Variants in UBE2W observed in about 807,000 individuals in gnomAD.
The protein encoded by UBE2W is ubiquitin-conjugating enzyme E2 W.
In UBE2W, 18 loss-of-function variants were observed where a neutral mutation model predicts 27.2. The observed-to-expected ratio is 0.66, with a 90% CI of 0.46 to 0.98. The LOEUF is 0.98. Among genes scored for constraint, UBE2W ranks in the 50% least tolerant of loss-of-function variants. UBE2W has a pLI of 0.00. For synonymous variants in UBE2W, 53 were observed against 57.2 expected, an observed-to-expected ratio of 0.93 and a Z score of 0.33; for missense variants, 90 against 180.2, an observed-to-expected ratio of 0.50 and a Z score of 2.87.
intron 1 of UBE2W, among the ~76,000 whole-genome samples, chr8:73,832,136 A>AATAAATATATATATATATATATATATAT (rs1554582582): frequency 3.4e-5 from 5 of 145,348 alleles, no homozygotes; most frequent in African/African-American, 1.3e-4. Flanking sequence ...AAAATAAATA[A>AATAAATATATATATATATATATATATAT]ATATATATAT....
At chr8:73,828,941 T>A (rs765602366) in intron 2 of UBE2W, among the ~76,000 whole-genome samples, 2 of 152,176 alleles carry the variant, frequency 1.3e-5, no homozygotes, top group African/African-American at 2.4e-5. Flanking sequence ...CACATCCATA[T>A]CCACATTTCA....
rs10652083 is a variant in UBE2W, at chr8:73,789,307, T to TAAAA, written c.*4791_*4794dup. ...GCAACATGGTGAGACCTCGTGTCTT[T>TAAAA]AAAAAAAAAAAAAAAAAAAAAAAAA... is the stretch of plus-strand genomic sequence containing the variant. On this transcript the variant is annotated 3_prime_UTR_variant, in exon 6 of 6. Coordinates refer to ENST00000602593, the MANE Select transcript of UBE2W (RefSeq NM_018299.6). 0.085 allele frequency: 3,382 copies of TAAAA among 39,986 alleles called. 729 individuals are homozygous for TAAAA. The highest frequency in any genetic ancestry group is 0.12 in the Non-Finnish European group (2,540 of 21,714). The allele number at this position is 39,986 out of a possible 1,614,324, so 2.5% of individuals were successfully genotyped here.
At chr8:73,867,710 T>G (rs888403184) in intron 1 of UBE2W, among the ~76,000 whole-genome samples, 6 of 60,568 alleles carry the variant, frequency 9.9e-5, no homozygotes, top group African/African-American at 3.2e-4. Flanking sequence ...AGGCTCTGTC[T>G]CAGAAAAAAA....
rs909826093 is a variant in UBE2W at position 73,792,670 on chromosome 8, G to A, written c.*1432C>T. ...AGGCATTAGTAAAAATAACATTGTA[G>A]TAGAAACAGATTTTGCATATGTGAA... On this transcript the variant is annotated 3_prime_UTR_variant, in exon 6 of 6. Coordinates refer to ENST00000602593, the MANE Select transcript of UBE2W (RefSeq NM_018299.6). 1.1e-5 allele frequency: 11 copies of A among 985,280 alleles called. No individual in the cohort carries two copies. The highest frequency in any genetic ancestry group is 1.1e-4 in the East Asian group (1 of 8,830). The allele number at this position is 985,280 out of a possible 1,614,324, so 61.0% of individuals were successfully genotyped here.
intron 3 of UBE2W, among the ~76,000 whole-genome samples, chr8:73,812,356 T>A (rs1193358796): frequency 6.6e-6 from 1 of 152,180 alleles, no homozygotes; most frequent in Non-Finnish European, 1.5e-5. Context: ...ATGCATGACA[T>A]TTATCTCAAT....
At chr8:73,809,004 T>C (rs1809034920) in intron 4 of UBE2W, among the ~76,000 whole-genome samples, 2 of 152,218 alleles carry the variant, frequency 1.3e-5, no homozygotes, top group South Asian at 4.1e-4. Context: ...AATCTCTTAA[T>C]AACTTTCTTA....
intron 2 of UBE2W, among the ~76,000 whole-genome samples, chr8:73,826,280 A>G (rs1321593534): frequency 6.6e-6 from 1 of 152,206 alleles, no homozygotes; most frequent in Non-Finnish European, 1.5e-5. Context: ...TAAGATGGGA[A>G]GAATAAGGGA....
At chr8:73,856,604 C>G (rs1478255603) in intron 1 of UBE2W, among the ~76,000 whole-genome samples, 1 of 152,128 alleles carries the variant, frequency 6.6e-6, no homozygotes, top group Admixed American at 6.6e-5. Context: ...ATCTGCCCGC[C>G]CTGGCCTCCC....
chr8:73,816,862 TG>T (rs1809408991), intron 3 of UBE2W, among the ~76,000 whole-genome samples: 1 of 148,838 alleles, frequency 6.7e-6, no homozygotes, highest in Admixed American at 6.7e-5. Context: ...GGCAAAACCT[TG>T]TCTCTAACAA....
At chr8:73,846,676 A>C (rs1462339994) in intron 1 of UBE2W, among the ~76,000 whole-genome samples, 2 of 152,322 alleles carry the variant, frequency 1.3e-5, no homozygotes, top group African/African-American at 4.8e-5. Context: ...TAAGAATATG[A>C]GCACAAAATG....
chr8:73,826,016 A>G (rs1443434967), intron 2 of UBE2W, among the ~76,000 whole-genome samples: 1 of 152,182 alleles, frequency 6.6e-6, no homozygotes, highest in Non-Finnish European at 1.5e-5. Flanking sequence ...AGAGAACCGT[A>G]GCTGTCAGAC....
intron 1 of UBE2W, among the ~76,000 whole-genome samples, chr8:73,855,864 T>C (rs1811275972): frequency 6.6e-6 from 1 of 152,212 alleles, no homozygotes; most frequent in Non-Finnish European, 1.5e-5. Context: ...AAGTTCCTTT[T>C]AGTTTAAAAA....
chr8:73,780,678 T>G (rs535392062), intron 4 of UBE2W, among the ~76,000 whole-genome samples: 20 of 152,056 alleles, frequency 1.3e-4, no homozygotes, highest in African/African-American at 4.8e-4. Flanking sequence ...CACCACCACA[T>G]TCAGCTAATT....
intron 1 of UBE2W, among the ~76,000 whole-genome samples, chr8:73,877,118 T>G (rs1812264853): frequency 6.6e-6 from 1 of 152,256 alleles, no homozygotes; most frequent in Non-Finnish European, 1.5e-5. Flanking sequence ...TTAATCTTAA[T>G]GTTTAGCCTC....
chr8:73,791,869 A>G lies in UBE2W; in HGVS notation c.*2233T>C. 1 of 984,584 alleles carries G rather than the reference A, an allele frequency of 1.0e-6. No homozygotes were observed. The highest frequency in any genetic ancestry group is 1.2e-6 in the Non-Finnish European group (1 of 829,188). The allele number at this position is 984,584 out of a possible 1,614,324, so 61.0% of individuals were successfully genotyped here. On this transcript the variant is annotated 3_prime_UTR_variant, in exon 6 of 6. Coordinates refer to ENST00000602593, the MANE Select transcript of UBE2W (RefSeq NM_018299.6). ...TTTACTTTATGGTATTTATATGTAGAGAGAGAGGTATGTTAAAATATTGTC... is the reference window on the plus strand; with the variant it reads ...TTTACTTTATGGTATTTATATGTAGGGAGAGAGGTATGTTAAAATATTGTC...
chr8:73,820,536 A>G (rs925429620), intron 3 of UBE2W, among the ~76,000 whole-genome samples: 19 of 152,066 alleles, frequency 1.2e-4, no homozygotes, highest in African/African-American at 4.6e-4. Flanking sequence ...CAGGAGTTCA[A>G]GACCAGCTGG....
intron 1 of UBE2W, among the ~76,000 whole-genome samples, chr8:73,853,133 TAC>T (rs1313276168): frequency 6.6e-6 from 1 of 152,148 alleles, no homozygotes; most frequent in Non-Finnish European, 1.5e-5. Flanking sequence ...CATGTGAAGA[TAC>T]AGTCAGAAGG....
At chr8:73,823,452 T>C (rs774269602) in intron 3 of UBE2W, among the ~76,000 whole-genome samples, 2 of 152,174 alleles carry the variant, frequency 1.3e-5, no homozygotes, top group Non-Finnish European at 2.9e-5. Context: ...TCAAAAGCTT[T>C]TGAATTGGTG....
chr8:73,780,833 T>C (rs1158190702), intron 4 of UBE2W, among the ~76,000 whole-genome samples: 1 of 151,998 alleles, frequency 6.6e-6, no homozygotes, highest in East Asian at 1.9e-4. Flanking sequence ...CTGGAAGAAA[T>C]AACTTTCTAA....
Sources: gnomAD v4.1 joint callset for allele counts (sites outside exome capture counted in the v4.1 genomes callset) on GRCh38, gnomAD v4.1.1 for gene constraint, MANE v1.5 for transcripts, NCBI Gene and HGNC (gene_info 2026-07-23, HGNC 2026-07-21) for gene names.